STIM1: variants seen among roughly 807,000 people sequenced by gnomAD.
STIM1 encodes the protein stromal interaction molecule 1.
A neutral mutation model predicts 74.7 loss-of-function variants in STIM1; 25 were observed. The observed-to-expected ratio is 0.33, with a 90% CI of 0.24 to 0.47. The LOEUF (loss-of-function observed/expected upper bound fraction) is 0.47. STIM1 is among the 20% of genes least tolerant of loss of function. The pLI is 1.00. For missense variants in STIM1, 728 were observed against 920.8 expected, an observed-to-expected ratio of 0.79 and a Z score of 2.71; for synonymous variants, 328 against 348.8, an observed-to-expected ratio of 0.94 and a Z score of 0.66.
intron 1 of STIM1, among the ~76,000 whole-genome samples, chr11:3,931,855 A>G (rs1023258653): frequency 6.6e-6 from 1 of 152,156 alleles, no homozygotes; most frequent in African/African-American, 2.4e-5. Flanking sequence ...CTTTTCTATA[A>G]GTAATATCTG....
intron 2 of STIM1, among the ~76,000 whole-genome samples, chr11:4,002,372 A>T (rs2093727352): frequency 6.6e-6 from 1 of 152,240 alleles, no homozygotes; most frequent in Non-Finnish European, 1.5e-5. Context: ...AAGATCAGAC[A>T]TTATAACAAA....
intron 3 of STIM1, among the ~76,000 whole-genome samples, chr11:4,032,012 A>T (rs951242809): frequency 6.6e-6 from 1 of 152,194 alleles, no homozygotes; most frequent in Non-Finnish European, 1.5e-5. Context: ...TATGTTTTAC[A>T]TTTAGGTCTA....
At chr11:3,932,666 G>GAAAAAAAAA (rs57059104) in intron 1 of STIM1, among the ~76,000 whole-genome samples, 5 of 86,946 alleles carry the variant, frequency 5.8e-5, no homozygotes, top group African/African-American at 8.8e-5. Flanking sequence ...TGTCTCAAAG[G>GAAAAAAAAA]AAAAAAAAAA....
rs527780789 is a variant in STIM1 at position 4,076,283 on chromosome 11, C to T, written c.969+1604C>T. ...GGCAGATTACTTGAGGTCAGAAGTTCGAGACCAGCCTGGTCAACATGGCAA... is the reference window on the plus strand; with the variant it reads ...GGCAGATTACTTGAGGTCAGAAGTTTGAGACCAGCCTGGTCAACATGGCAA... On this transcript the variant is annotated intron_variant, in intron 7 of 12. Transcript: ENST00000526596. 4.0e-5 allele frequency among the ~76,000 whole-genome samples: 6 copies of T among 151,596 alleles called. No homozygotes were observed. In the South Asian group the frequency reaches 8.4e-4, roughly 21 times the overall value.
At chr11:3,975,623 A>AAAGAAG (rs564021992) in intron 2 of STIM1, among the ~76,000 whole-genome samples, 1 of 152,326 alleles carries the variant, frequency 6.6e-6, no homozygotes, top group Admixed American at 6.5e-5. Context: ...GCCTCAAAAA[A>AAAGAAG]AAGAAGAAGA....
At chr11:3,974,131 G>T (rs1052891929) in intron 2 of STIM1, 19 of 650,862 alleles carry the variant, frequency 2.9e-5, no homozygotes, top group Non-Finnish European at 5.3e-5. Context: ...GCTCCCTGTT[G>T]CTCAGAATGG....
intron 1 of STIM1, among the ~76,000 whole-genome samples, chr11:3,939,045 G>A (rs575607068): frequency 1.7e-4 from 26 of 152,194 alleles, no homozygotes; most frequent in African/African-American, 5.8e-4. Context: ...CCCCAAGTTG[G>A]GCAAAGAACT....
At chr11:4,070,268 T>G (rs2133162440) in intron 6 of STIM1, 65 bp downstream of exon 6, 1 of 1,596,018 alleles carries the variant, frequency 6.3e-7, no homozygotes. Context: ...TATTTCCACC[T>G]GGGTGTGAGC....
intron 2 of STIM1, among the ~76,000 whole-genome samples, chr11:4,020,135 T>C (rs1392339003): frequency 6.6e-6 from 1 of 152,244 alleles, no homozygotes; most frequent in Non-Finnish European, 1.5e-5. Context: ...CATTCTTTTT[T>C]TCTTTATGGC....
At chr11:3,907,997 C>T (rs1296183678) in intron 1 of STIM1, among the ~76,000 whole-genome samples, 2 of 152,196 alleles carry the variant, frequency 1.3e-5, no homozygotes, top group African/African-American at 4.8e-5. Flanking sequence ...CCCCACCACA[C>T]ACTGCAACCC....
intron 1 of STIM1, among the ~76,000 whole-genome samples, chr11:3,926,498 A>G (rs2092790717): frequency 6.6e-6 from 1 of 152,226 alleles, no homozygotes; most frequent in Non-Finnish European, 1.5e-5. Context: ...CTGTCTTAAT[A>G]CATACTGTTT....
intron 2 of STIM1, among the ~76,000 whole-genome samples, chr11:3,970,311 A>G (rs539708919): frequency 1.4e-4 from 22 of 152,076 alleles, no homozygotes; most frequent in Admixed American, 5.9e-4. Flanking sequence ...CAGGCCTCAC[A>G]TGGTTAGAGA....
chr11:3,895,673 TCCTTCCTTCC>T (rs1181059816), intron 1 of STIM1, among the ~76,000 whole-genome samples: 9 of 47,606 alleles, frequency 1.9e-4, no homozygotes, highest in African/African-American at 1.2e-3. Context: ...TTTCTTTCTT[TCCTTCCTTCC>T]TTCTTTCTTT....
intron 1 of STIM1, among the ~76,000 whole-genome samples, chr11:3,925,666 A>G (rs917078566): frequency 2.0e-5 from 3 of 152,206 alleles, no homozygotes; most frequent in African/African-American, 7.2e-5. Flanking sequence ...ATTTAATATA[A>G]TGGTCAACAA....
intron 3 of STIM1, among the ~76,000 whole-genome samples, chr11:4,053,098 C>T (rs1250169288): frequency 5.3e-5 from 8 of 152,064 alleles, no homozygotes; most frequent in East Asian, 1.9e-4. Flanking sequence ...CTGGAGAGGA[C>T]GTGGAGAAAT....
At chr11:3,859,229 C>A (rs1292101963) in intron 1 of STIM1, among the ~76,000 whole-genome samples, 3 of 152,194 alleles carry the variant, frequency 2.0e-5, no homozygotes, top group Non-Finnish European at 4.4e-5. Context: ...ACAATAAACA[C>A]TATGAAAGCC....
chr11:4,011,487 A>G (rs982068434), intron 2 of STIM1, among the ~76,000 whole-genome samples: 1 of 152,052 alleles, frequency 6.6e-6, no homozygotes, highest in Non-Finnish European at 1.5e-5. Flanking sequence ...GAAGATGAGC[A>G]TTTTTTCATG....
At chr11:3,883,127 C>A (rs182968856) in intron 1 of STIM1, among the ~76,000 whole-genome samples, 9 of 152,174 alleles carry the variant, frequency 5.9e-5, no homozygotes, top group South Asian at 2.1e-4. Context: ...CACCCACTAG[C>A]CTTTAAATAT....
chr11:3,973,736 C>CAAT, intron 2 of STIM1, among the ~76,000 whole-genome samples: 1 of 152,064 alleles, frequency 6.6e-6, no homozygotes, highest in East Asian at 1.9e-4. Context: ...TATTTTGAGA[C>CAAT]AAAGTCTCAC....
Sources: allele counts gnomAD v4.1 joint callset (sites outside exome capture counted in the v4.1 genomes callset), GRCh38; gene constraint gnomAD v4.1.1; transcripts MANE v1.5; gene names NCBI Gene and HGNC (gene_info 2026-07-23, HGNC 2026-07-21).